The following MSI2 variants were observed in gnomAD, a reference collection of about 807,000 sequenced individuals.
The protein encoded by MSI2 is RNA-binding protein Musashi homolog 2.
Under a neutral mutation model 45.6 loss-of-function variants are expected in MSI2, and 17 were observed. That is an observed-to-expected ratio of 0.37 (90% CI 0.26 to 0.56). The LOEUF is 0.56. Ranked by LOEUF, MSI2 falls within the 20% of genes least tolerant of loss-of-function variation. The probability of loss-of-function intolerance (pLI) is 0.77; values close to 1 mark genes in which losing one functional copy is unlikely to be tolerated. For synonymous variants in MSI2, 156 were observed against 158.2 expected (o/e 0.99, Z 0.11); for missense variants, 293 against 444.2 (o/e 0.66, Z 3.06).
At chr17:57,388,984 T>C (rs1198912446) in intron 5 of MSI2, among the ~76,000 whole-genome samples, 156 of 136,362 alleles carry the variant, frequency 1.1e-3, no homozygotes, top group Non-Finnish European at 2.0e-3. Flanking sequence ...TCTTCTTCTT[T>C]TTTTTTTTTT....
intron 7 of MSI2, among the ~76,000 whole-genome samples, chr17:57,575,031 T>C (rs572551268): frequency 7.0e-4 from 107 of 152,040 alleles, no homozygotes; most frequent in Middle Eastern, 3.4e-3. Flanking sequence ...GGGGTTTCAC[T>C]GTGTTAGCCA....
chr17:57,291,413 C>A (rs1910406537), intron 5 of MSI2, among the ~76,000 whole-genome samples: 1 of 152,068 alleles, frequency 6.6e-6, no homozygotes, highest in Admixed American at 6.5e-5. Flanking sequence ...AATAAATAAC[C>A]CAGAGAAGAT....
rs560668102 is a variant in MSI2, at chr17:57,487,004, C to A, written c.406-42672C>A. On this transcript the variant is annotated intron_variant, in intron 6 of 13. Transcript: ENST00000284073. ...GATTGTAAAAGAGAAAGAGAAAAAA[C>A]CCAGCCAAGTAGGGAGGGGAAAAGC... Among the ~76,000 whole-genome samples the A allele has an allele frequency of 2.0e-3, 312 of 152,258 alleles. 2 individuals carry two copies. The highest frequency in any genetic ancestry group is 7.1e-3 in the African/African-American group (297 of 41,544).
chr17:57,627,362 G>T lies in MSI2; in HGVS notation c.727+59G>T, dbSNP rs756374166. ...ACAAGAGGTGGGCTGCATTTGCGGG[G>T]AGGTGAGAGGACCCCTAAAGAGAAT... On this transcript the variant is annotated intron_variant, in intron 10 of 13. Transcript: ENST00000284073. The surrounding 1 kb of genome is among the most constrained non-coding windows in gnomAD (Gnocchi z 4.6). The T allele has an allele frequency of 1.9e-5, 27 of 1,420,138 alleles. No individual in the cohort carries two copies. The highest frequency in any genetic ancestry group is 2.7e-5 in the Non-Finnish European group (27 of 1,003,236). 88.0% of individuals were successfully genotyped at this position (1,420,138 alleles called of 1,614,324 possible).
intron 11 of MSI2, among the ~76,000 whole-genome samples, chr17:57,673,919 G>A (rs1028950132): frequency 4.0e-5 from 6 of 151,772 alleles, no homozygotes; most frequent in African/African-American, 9.7e-5. Context: ...TGGTTCAGTC[G>A]GTATGTTCTG....
At chr17:57,277,559 G>A (rs954466103) in intron 5 of MSI2, among the ~76,000 whole-genome samples, 1 of 152,214 alleles carries the variant, frequency 6.6e-6, no homozygotes, top group Non-Finnish European at 1.5e-5. Context: ...GAAGAATGAA[G>A]GCATGTGGTG....
chr17:57,636,113 CAGTCA>C (rs1198935570), intron 10 of MSI2, among the ~76,000 whole-genome samples: 1 of 152,146 alleles, frequency 6.6e-6, no homozygotes, highest in Non-Finnish European at 1.5e-5. Flanking sequence ...AGGTAAGCTT[CAGTCA>C]AGTCATCAGG....
intron 5 of MSI2, chr17:57,278,956 G>A (rs1909147812): frequency 6.6e-6 from 1 of 152,202 alleles, no homozygotes; most frequent in African/African-American, 2.4e-5. Flanking sequence ...GTGGAGCTGT[G>A]GACGCCAGTA....
chr17:57,649,332 A>G (rs549536892), intron 10 of MSI2, among the ~76,000 whole-genome samples: 23 of 151,700 alleles, frequency 1.5e-4, no homozygotes, highest in Admixed American at 5.9e-4. Context: ...CTCAACACAC[A>G]TCCACATACG....
At chr17:57,425,890 C>T (rs747779558) in intron 6 of MSI2, among the ~76,000 whole-genome samples, 2 of 152,188 alleles carry the variant, frequency 1.3e-5, no homozygotes, top group African/African-American at 2.4e-5. Context: ...TAAGAGTGAG[C>T]TTGAGCTTTT....
chr17:57,492,044 G>GA (rs1248759681), intron 6 of MSI2, among the ~76,000 whole-genome samples: 2 of 151,970 alleles, frequency 1.3e-5, no homozygotes, highest in Non-Finnish European at 2.9e-5. Context: ...TTGTTTAAAA[G>GA]AAAAAAACAG....
At chr17:57,637,058 C>CA (rs1909891193) in intron 10 of MSI2, among the ~76,000 whole-genome samples, 2 of 152,330 alleles carry the variant, frequency 1.3e-5, no homozygotes, top group South Asian at 4.2e-4. Context: ...AACATCCCTT[C>CA]AGCCCTTGAG....
chr17:57,666,976 G>T (rs1912413716), intron 11 of MSI2, among the ~76,000 whole-genome samples: 1 of 152,238 alleles, frequency 6.6e-6, no homozygotes, highest in Admixed American at 6.5e-5. Context: ...AGACAGTAGG[G>T]AGTTGTCTCC....
chr17:57,323,339 G>A (rs192327543), intron 5 of MSI2, among the ~76,000 whole-genome samples: 199 of 152,280 alleles, frequency 1.3e-3, no homozygotes, highest in Non-Finnish European at 2.4e-3. Context: ...GAGAGAGTCC[G>A]TTTTCCCATG....
chr17:57,309,753 C>T (rs912727929), intron 5 of MSI2, among the ~76,000 whole-genome samples: 2 of 152,062 alleles, frequency 1.3e-5, no homozygotes, highest in African/African-American at 4.8e-5. Context: ...GAAGAGGAGG[C>T]AGAGAGGGCC....
chr17:57,638,045 TAAAAAAC>T (rs1442573133), intron 10 of MSI2, among the ~76,000 whole-genome samples: 1 of 152,070 alleles, frequency 6.6e-6, no homozygotes, highest in African/African-American at 2.4e-5. Context: ...GGCTGCAACT[TAAAAAAC>T]AAAGCAACAA....
intron 10 of MSI2, chr17:57,632,569 G>A: frequency 9.4e-7 from 1 of 1,066,966 alleles, no homozygotes; most frequent in Non-Finnish European, 1.1e-6. Context: ...GGCACCATTG[G>A]AGTAGGAGGG....
At chr17:57,484,097 G>T (rs1193530803) in intron 6 of MSI2, among the ~76,000 whole-genome samples, 1 of 152,190 alleles carries the variant, frequency 6.6e-6, no homozygotes, top group Non-Finnish European at 1.5e-5. Context: ...AGGTAGTTTG[G>T]CTGCAGAGCC....
rs111943352 is a variant in MSI2 at position 57,377,687 on chromosome 17, T to TA, written c.313-23682dup. 1.6e-3 allele frequency among the ~76,000 whole-genome samples: 241 copies of TA among 149,248 alleles called. 3 individuals are homozygous for TA. The highest frequency in any genetic ancestry group is 5.2e-3 in the African/African-American group (211 of 40,808). ...TGTTCCCCCTTGCTCTTCATTACTTTAAAAAAAAAAGCTAATTTGTTTTGA... is the reference window on the plus strand; with the variant it reads ...TGTTCCCCCTTGCTCTTCATTACTTTAAAAAAAAAAAGCTAATTTGTTTTGA... On this transcript the variant is annotated intron_variant, in intron 5 of 13. Coordinates refer to ENST00000284073, the MANE Select transcript of MSI2 (RefSeq NM_138962.4).
Sources: gnomAD v4.1 joint callset for allele counts (sites outside exome capture counted in the v4.1 genomes callset) on GRCh38, gnomAD v4.1.1 for gene constraint, Gnocchi (gnomAD v3.1) non-coding constraint, MANE v1.5 for transcripts, NCBI Gene and HGNC (gene_info 2026-07-23, HGNC 2026-07-21) for gene names.